Variants in SMIM14 observed in about 807,000 individuals in gnomAD.
SMIM14 encodes small integral membrane protein 14, also known as chromosome 4 open reading frame 34.
SMIM14 carries 5 observed loss-of-function variants against 12.6 expected under a neutral mutation model. The ratio of observed to expected loss-of-function variants is 0.40; its 90% CI spans 0.21 to 0.83. The LOEUF is 0.83. SMIM14 is among the 40% of genes least tolerant of loss of function. SMIM14 has a pLI of 0.37. For missense variants in SMIM14, 86 were observed against 119.1 expected, an observed-to-expected ratio of 0.72 and a Z score of 1.29; for synonymous variants, 30 against 40.1, an observed-to-expected ratio of 0.75 and a Z score of 0.95.
At position 39,549,794 on chromosome 4, in the gene SMIM14, T is replaced by C. The variant is rs1711575128; in HGVS notation, c.*2332A>G. 1 of 152,220 alleles carries C rather than the reference T, an allele frequency of 6.6e-6. No homozygotes were observed. Among genetic ancestry groups the C allele is most frequent in the Non-Finnish European group, 1.5e-5 (1 of 68,038 alleles). The allele number at this position is 152,220 out of a possible 1,614,324, so 9.4% of individuals were successfully genotyped here. ...TGCTCTACTTTACCAGCTATAGAGT[T>C]AGGAAGGCTTCCAGTAGGCCACAGC... On this transcript the variant is annotated 3_prime_UTR_variant, in exon 5 of 5. Coordinates refer to ENST00000295958, the MANE Select transcript of SMIM14 (RefSeq NM_174921.3).
At chr4:39,636,993 T>C (rs954622194) in intron 1 of SMIM14, among the ~76,000 whole-genome samples, 2 of 152,186 alleles carry the variant, frequency 1.3e-5, no homozygotes, top group Non-Finnish European at 2.9e-5. Context: ...TACTGTGTAG[T>C]GAATACGCTC....
At chr4:39,621,536 A>G (rs1229308983) in intron 1 of SMIM14, among the ~76,000 whole-genome samples, 2 of 152,190 alleles carry the variant, frequency 1.3e-5, no homozygotes, top group African/African-American at 4.8e-5. Context: ...AAGACTATCA[A>G]GGAAAATAAT....
chr4:39,616,371 A>T (rs902516429), intron 1 of SMIM14, among the ~76,000 whole-genome samples: 1 of 149,540 alleles, frequency 6.7e-6, no homozygotes, highest in African/African-American at 2.4e-5. Flanking sequence ...CCCGGCCTCT[A>T]GTGACCTGCT....
At chr4:39,575,998 A>G (rs1259733433) in intron 2 of SMIM14, among the ~76,000 whole-genome samples, 2 of 150,788 alleles carry the variant, frequency 1.3e-5, no homozygotes, top group Non-Finnish European at 2.9e-5. Flanking sequence ...GGTTCAAGTG[A>G]TTGTCCTGCC....
intron 1 of SMIM14, among the ~76,000 whole-genome samples, chr4:39,606,518 G>T (rs1370962051): frequency 6.6e-6 from 1 of 151,814 alleles, no homozygotes; most frequent in Non-Finnish European, 1.5e-5. Context: ...GCGTGTGCTT[G>T]TAGTCCCAGC....
At chr4:39,631,877 T>G (rs1715911513) in intron 1 of SMIM14, among the ~76,000 whole-genome samples, 1 of 151,950 alleles carries the variant, frequency 6.6e-6, no homozygotes, top group African/African-American at 2.4e-5. Flanking sequence ...ATTCTGTATT[T>G]TTACAAAGCT....
In SMIM14 at chr4:39,549,595, T is replaced by G. The variant is rs1294799206; in HGVS notation, c.*2531A>C. 1 of 152,220 alleles carries G rather than the reference T, an allele frequency of 6.6e-6. No individual in the cohort carries two copies. The highest frequency in any genetic ancestry group is 6.5e-5 in the Admixed American group (1 of 15,278). 9.4% of individuals were successfully genotyped at this position (152,220 alleles called of 1,614,324 possible). A position where few individuals can be genotyped will look rare whatever the true frequency, so the allele number is the denominator to read the frequency against. ...AGCTCCCAAAGCCAATTTTCAATTATTTGTGAGCCATAGATTCAGTGACTA... is the reference window on the plus strand; with the variant it reads ...AGCTCCCAAAGCCAATTTTCAATTAGTTGTGAGCCATAGATTCAGTGACTA... On this transcript the variant is annotated 3_prime_UTR_variant, in exon 5 of 5. Transcript: ENST00000295958.
At chr4:39,600,362 T>G (rs1251766777) in intron 2 of SMIM14, among the ~76,000 whole-genome samples, 1 of 151,934 alleles carries the variant, frequency 6.6e-6, no homozygotes, top group African/African-American at 2.4e-5. Flanking sequence ...TTTCTATTAC[T>G]CATAATGAAG....
chr4:39,598,206 A>G (rs559668012), intron 2 of SMIM14, among the ~76,000 whole-genome samples: 66 of 152,350 alleles, frequency 4.3e-4, no homozygotes, highest in African/African-American at 1.6e-3. Context: ...CAACAGATCC[A>G]GCTACTCAAT....
chr4:39,599,153 A>C (rs1054732928), intron 2 of SMIM14, among the ~76,000 whole-genome samples: 7 of 152,170 alleles, frequency 4.6e-5, no homozygotes, highest in Non-Finnish European at 1.0e-4. Flanking sequence ...CACTGTGCCA[A>C]TGCCTTCTAG....
At chr4:39,569,780 G>A (rs1443281708) in intron 3 of SMIM14, among the ~76,000 whole-genome samples, 1 of 152,050 alleles carries the variant, frequency 6.6e-6, no homozygotes, top group African/African-American at 2.4e-5. Context: ...TTTTTGAGCT[G>A]TAGGCAATTA....
chr4:39,623,718 C>T (rs763614749), intron 1 of SMIM14, among the ~76,000 whole-genome samples: 17 of 151,922 alleles, frequency 1.1e-4, no homozygotes, highest in Non-Finnish European at 1.3e-4. Context: ...AAAAATTAGC[C>T]GGGTGTGGTG....
At chr4:39,628,133 G>A (rs894978631) in intron 1 of SMIM14, among the ~76,000 whole-genome samples, 3 of 148,232 alleles carry the variant, frequency 2.0e-5, no homozygotes, top group African/African-American at 5.0e-5. Flanking sequence ...ATGGTGAAAC[G>A]CCGCCTCGAC....
chr4:39,619,800 C>A (rs1287522662), intron 1 of SMIM14, among the ~76,000 whole-genome samples: 5 of 126,984 alleles, frequency 3.9e-5, no homozygotes, highest in African/African-American at 9.0e-5. Context: ...TTATATATAT[C>A]TCAATTTTCT....
intron 3 of SMIM14, among the ~76,000 whole-genome samples, chr4:39,564,536 A>G (rs1436469049): frequency 6.6e-6 from 1 of 152,234 alleles, no homozygotes; most frequent in Non-Finnish European, 1.5e-5. Context: ...TCTGGCTCCA[A>G]GCATTTCAAA....
Position 39,573,087 on chromosome 4 carries a change from ATTATTATTATTATT to A in SMIM14, c.76-638_76-625del, listed in dbSNP as rs576495569. ...AAACCATGTTTTGGTTTTTATTATTATTATTATTATTATTTTATTATTATTATTATTTAGTTTCG... is the reference window on the plus strand; with the variant it reads ...AAACCATGTTTTGGTTTTTATTATTATTATTATTATTATTATTTAGTTTCG... On this transcript the variant is annotated intron_variant, in intron 2 of 4. Coordinates refer to ENST00000295958, the MANE Select transcript of SMIM14 (RefSeq NM_174921.3). Among the ~76,000 whole-genome samples the A allele has an allele frequency of 3.2e-3, 473 of 149,662 alleles. 3 individuals are homozygous for A. The highest frequency in any genetic ancestry group is 0.011 in the African/African-American group (446 of 40,442).
intron 1 of SMIM14, among the ~76,000 whole-genome samples, chr4:39,631,007 G>A (rs141673485): frequency 6.6e-6 from 1 of 152,096 alleles, no homozygotes; most frequent in African/African-American, 2.4e-5. Flanking sequence ...CCTTTCCCAA[G>A]AGTAACAAAG....
intron 2 of SMIM14, among the ~76,000 whole-genome samples, chr4:39,582,534 C>T (rs1029167820): frequency 6.6e-6 from 1 of 151,616 alleles, no homozygotes; most frequent in African/African-American, 2.4e-5. Flanking sequence ...TGTGGTGGTG[C>T]ACGGCTGTAA....
At chr4:39,613,823 C>T (rs971591426) in intron 1 of SMIM14, among the ~76,000 whole-genome samples, 1 of 152,118 alleles carries the variant, frequency 6.6e-6, no homozygotes, top group African/African-American at 2.4e-5. Flanking sequence ...CAAGCAGCTT[C>T]AAGACTTGTT....
Sources: gnomAD v4.1 joint callset for allele counts (sites outside exome capture counted in the v4.1 genomes callset) on GRCh38, gnomAD v4.1.1 for gene constraint, MANE v1.5 for transcripts, NCBI Gene and HGNC (gene_info 2026-07-23, HGNC 2026-07-21) for gene names.